GREB1L: variants seen among roughly 807,000 people sequenced by gnomAD.
GREB1L encodes GREB1 like retinoic acid receptor coactivator.
In GREB1L, 17 loss-of-function variants were observed where a neutral mutation model predicts 200.8. The ratio of observed to expected loss-of-function variants is 0.08; its 90% CI spans 0.06 to 0.13. The LOEUF is 0.13. GREB1L is among the 10% of genes least tolerant of loss of function. GREB1L has a pLI of 1.00. For missense variants in GREB1L, 1,657 were observed against 2,367.7 expected (o/e 0.70, Z 6.23); for synonymous variants, 789 against 893.0 (o/e 0.88, Z 2.08).
intron 17 of GREB1L, chr18:21,485,292 C>T: frequency 4.9e-6 from 1 of 205,006 alleles, no homozygotes; most frequent in South Asian, 1.2e-4. Context: ...TAGAGAACTA[C>T]TTCCAGCAGG....
At chr18:21,464,517 C>T (rs1407521364) in intron 15 of GREB1L, among the ~76,000 whole-genome samples, 1 of 144,440 alleles carries the variant, frequency 6.9e-6, no homozygotes, top group Non-Finnish European at 1.5e-5. Flanking sequence ...GCACTCTAGC[C>T]TGGGGACAGA....
intron 27 of GREB1L, 122 bp downstream of exon 27, chr18:21,508,713 C>CT: frequency 8.5e-6 from 3 of 354,144 alleles, no homozygotes; most frequent in Non-Finnish European, 1.5e-5. Context: ...CACCACTCTT[C>CT]GGAAAAAAAA....
chr18:21,519,465 AC>A (rs143943364), intron 31 of GREB1L, among the ~76,000 whole-genome samples: 5 of 152,260 alleles, frequency 3.3e-5, no homozygotes, highest in Non-Finnish European at 7.4e-5. Flanking sequence ...CTCAAAAAAA[AC>A]AAAACAAACC....
rs1236599713 is a variant in GREB1L at position 21,524,451 on chromosome 18, C to CTTAA, written c.*1633_*1636dup. The stretch of plus-strand genomic sequence containing the variant: ...CTTATATATGCTTTAAAAAATACTC[C>CTTAA]TTAATTTTAGTACAGCAGAATTTTT... On this transcript the variant is annotated 3_prime_UTR_variant, in exon 33 of 33. Transcript: ENST00000424526. 1 of 152,102 alleles carries CTTAA rather than the reference C, an allele frequency of 6.6e-6. No individual in the cohort carries two copies. Among genetic ancestry groups the CTTAA allele is most frequent in the Non-Finnish European group, 1.5e-5 (1 of 68,026 alleles). 9.4% of individuals were successfully genotyped at this position (152,102 alleles called of 1,614,324 possible). A position where few individuals can be genotyped will look rare whatever the true frequency, so the allele number is the denominator to read the frequency against.
intron 1 of GREB1L, among the ~76,000 whole-genome samples, chr18:21,321,647 A>G (rs541889339): frequency 2.6e-5 from 4 of 152,154 alleles, no homozygotes; most frequent in African/African-American, 7.2e-5. Context: ...AGATTGCGCC[A>G]TTGCACTCCA....
intron 2 of GREB1L, among the ~76,000 whole-genome samples, chr18:21,366,883 C>A (rs1419246047): frequency 6.6e-6 from 1 of 152,172 alleles, no homozygotes; most frequent in East Asian, 1.9e-4. Flanking sequence ...TTTGTTCCTT[C>A]ATGGTGACCA....
At chr18:21,318,193 G>A (rs1211467868) in intron 1 of GREB1L, among the ~76,000 whole-genome samples, 1 of 151,844 alleles carries the variant, frequency 6.6e-6, no homozygotes, top group African/African-American at 2.4e-5. Context: ...TCAATGAGAT[G>A]CTGCTGTGAA....
At chr18:21,380,827 G>A (rs1453199100) in intron 2 of GREB1L, among the ~76,000 whole-genome samples, 4 of 152,168 alleles carry the variant, frequency 2.6e-5, no homozygotes, top group Admixed American at 1.3e-4. Context: ...TTGGCCAGGC[G>A]CAATGGCTCA....
chr18:21,434,947 A>AT (rs2033442895), intron 7 of GREB1L: 1 of 152,634 alleles, frequency 6.6e-6, no homozygotes, highest in South Asian at 2.1e-4. Context: ...CATTTTAAAG[A>AT]TTCGCCGATT....
At chr18:21,332,768 C>T (rs1375444544) in intron 1 of GREB1L, among the ~76,000 whole-genome samples, 1 of 152,144 alleles carries the variant, frequency 6.6e-6, no homozygotes, top group Non-Finnish European at 1.5e-5. Flanking sequence ...AGCCACCACA[C>T]CTGGCCTACC....
At chr18:21,387,940 A>G (rs2144165006) in intron 4 of GREB1L, among the ~76,000 whole-genome samples, 1 of 152,362 alleles carries the variant, frequency 6.6e-6, no homozygotes, top group South Asian at 2.1e-4. Flanking sequence ...GGGATCCCTC[A>G]TGATATATTT....
chr18:21,470,313 A>C (rs1311820663), intron 15 of GREB1L, among the ~76,000 whole-genome samples: 1 of 152,094 alleles, frequency 6.6e-6, no homozygotes, highest in Non-Finnish European at 1.5e-5. Context: ...AAAAAAGGTA[A>C]TTTTATTGGA....
chr18:21,274,738 C>T (rs1386782041), intron 1 of GREB1L, among the ~76,000 whole-genome samples: 6 of 151,438 alleles, frequency 4.0e-5, no homozygotes, highest in African/African-American at 7.3e-5. Flanking sequence ...TACAAGAAAA[C>T]TAGGCAGGCC....
At chr18:21,472,590 G>GT (rs1467688731) in intron 15 of GREB1L, among the ~76,000 whole-genome samples, 11 of 142,456 alleles carry the variant, frequency 7.7e-5, no homozygotes, top group East Asian at 2.4e-4. Context: ...ACATTATATT[G>GT]GTTTTTTTTT....
intron 1 of GREB1L, among the ~76,000 whole-genome samples, chr18:21,262,227 G>A (rs1217581537): frequency 6.6e-6 from 1 of 152,126 alleles, no homozygotes; most frequent in Non-Finnish European, 1.5e-5. Flanking sequence ...GAGAACAGGA[G>A]TTATTGGCAT....
At chr18:21,366,301 C>G (rs1436132388) in intron 2 of GREB1L, among the ~76,000 whole-genome samples, 165 bp downstream of exon 2, 1 of 152,086 alleles carries the variant, frequency 6.6e-6, no homozygotes, top group African/African-American at 2.4e-5. Flanking sequence ...CTCCCCCATC[C>G]CCTTACCCCA....
intron 10 of GREB1L, among the ~76,000 whole-genome samples, chr18:21,442,514 G>C (rs1240898124): frequency 6.6e-6 from 1 of 152,116 alleles, no homozygotes; most frequent in Non-Finnish European, 1.5e-5. Flanking sequence ...CTAAGCTTTG[G>C]AAAGATGCAT....
At chr18:21,303,682 C>T (rs1236281406) in intron 1 of GREB1L, among the ~76,000 whole-genome samples, 2 of 152,122 alleles carry the variant, frequency 1.3e-5, no homozygotes, top group African/African-American at 2.4e-5. Context: ...AAAGGGATTT[C>T]GTGAGTAACC....
rs527997957 is a variant in GREB1L, at chr18:21,308,149, T to C, written c.-119-57878T>C. ...TTTGACTAAGTACCTACTATATACA[T>C]ATCACCTTAATACAGTCTGTGGAGT... On this transcript the variant is annotated intron_variant, in intron 1 of 32. Coordinates refer to ENST00000424526, the MANE Select transcript of GREB1L (RefSeq NM_001142966.3). 2.6e-5 allele frequency among the ~76,000 whole-genome samples: 4 copies of C among 152,328 alleles called. No homozygotes were observed. The Middle Eastern group carries it at 0.01, about 389-fold the overall frequency.
Sources: allele counts gnomAD v4.1 joint callset (sites outside exome capture counted in the v4.1 genomes callset), GRCh38; gene constraint gnomAD v4.1.1; transcripts MANE v1.5; gene names NCBI Gene and HGNC (gene_info 2026-07-23, HGNC 2026-07-21).